The following MYRFL variants were observed in gnomAD, a reference collection of about 807,000 sequenced individuals.
The protein encoded by MYRFL is myelin regulatory factor like.
A neutral mutation model predicts 109.4 loss-of-function variants in MYRFL; 88 were observed. The observed-to-expected ratio is 0.80, with a 90% CI of 0.68 to 0.96. The LOEUF (loss-of-function observed/expected upper bound fraction) is 0.96. MYRFL is among the 40% of genes least tolerant of loss of function. The pLI is 0.00. For missense variants in MYRFL, 957 were observed against 954.9 expected (o/e 1.00, Z -0.03); for synonymous variants, 324 against 320.9 (o/e 1.01, Z -0.10).
In MYRFL at chr12:69,862,961, G is replaced by T. The variant is rs568431484; in HGVS notation, c.137+7591G>T. ...TTTATTGAGAGTTTTTAGCATGAAG[G>T]GTTGTTGAATTTTGTCAAAGGCCTT... On this transcript the variant is annotated intron_variant, in intron 2 of 24. Transcript: ENST00000552032. Among the ~76,000 whole-genome samples, 217 of 151,848 alleles carry T rather than the reference G, an allele frequency of 1.4e-3. 1 individual carries two copies. Among genetic ancestry groups the T allele is most frequent in the African/African-American group, 4.6e-3 (192 of 41,432 alleles).
At chr12:69,890,103 G>C (rs1446651298) in intron 6 of MYRFL, among the ~76,000 whole-genome samples, 4 of 152,138 alleles carry the variant, frequency 2.6e-5, no homozygotes, top group African/African-American at 7.2e-5. Context: ...GTGAAAACAG[G>C]TTTCCAATCG....
In MYRFL at chr12:69,926,624, T is replaced by C; in HGVS notation, c.1656T>C (p.Thr552=). 1 of 1,529,460 alleles carries C rather than the reference T, an allele frequency of 6.5e-7. No homozygotes were observed. Among genetic ancestry groups the C allele is most frequent in the Non-Finnish European group, 8.7e-7 (1 of 1,143,270 alleles). 94.7% of individuals were successfully genotyped at this position (1,529,460 alleles called of 1,614,324 possible). A position where few individuals can be genotyped will look rare whatever the true frequency, so the allele number is the denominator to read the frequency against. The change falls in exon 14 of 25, where the codon ACT becomes ACC. Residue 552 remains threonine, a synonymous_variant. Coordinates refer to ENST00000552032, the MANE Select transcript of MYRFL (RefSeq NM_182530.3). ...CAGTGAAGCAACTGTGCAAACTAAC[T>C]AACAACCTTGAGGAAAGAATAGAAG... ...VGAVKQLCKL[T]NNLEERIEEL...
intron 22 of MYRFL, 133 bp from the exon 23 acceptor site, chr12:69,957,689 A>G (rs1956125669): frequency 9.1e-7 from 1 of 1,097,962 alleles, no homozygotes; most frequent in Non-Finnish European, 1.2e-6. Context: ...TTTGTGTGAT[A>G]CAATGCCTAT....
chr12:69,893,966 T>A, intron 8 of MYRFL, 126 bp downstream of exon 8: 1 of 226,992 alleles, frequency 4.4e-6, no homozygotes, highest in Non-Finnish European at 8.0e-6. Flanking sequence ...AAACCTACCA[T>A]AGAATCCAAA....
chr12:69,918,145 T>C (rs577975970), intron 13 of MYRFL, among the ~76,000 whole-genome samples: 2 of 152,296 alleles, frequency 1.3e-5, no homozygotes, highest in East Asian at 3.9e-4. Flanking sequence ...CATAAAAGTA[T>C]CAGATTTATG....
At chr12:69,866,011 G>A (rs1884996508) in intron 2 of MYRFL, among the ~76,000 whole-genome samples, 1 of 152,116 alleles carries the variant, frequency 6.6e-6, no homozygotes, top group Admixed American at 6.5e-5. Flanking sequence ...AGATGGGGAG[G>A]ATAAGGTGCA....
At chr12:69,849,596 A>T (rs902811472) in intron 1 of MYRFL, among the ~76,000 whole-genome samples, 15 of 152,334 alleles carry the variant, frequency 9.8e-5, no homozygotes, top group Non-Finnish European at 1.9e-4. Context: ...TAACAGCATG[A>T]TCCTTGATGT....
intron 19 of MYRFL, among the ~76,000 whole-genome samples, chr12:69,945,751 G>A (rs973617759): frequency 3.3e-5 from 5 of 151,882 alleles, no homozygotes; most frequent in African/African-American, 1.2e-4. Flanking sequence ...ACTTTGGGAG[G>A]CCGAGGCGGG....
intron 2 of MYRFL, among the ~76,000 whole-genome samples, chr12:69,873,390 C>T (rs1246764392): frequency 1.3e-5 from 2 of 152,176 alleles, no homozygotes; most frequent in African/African-American, 4.8e-5. Flanking sequence ...AATCTCAGCA[C>T]ACGATTTTTT....
rs568144154 is a variant in MYRFL, at chr12:69,826,790, A to G, written c.46+1227A>G. 7.1e-4 allele frequency among the ~76,000 whole-genome samples: 108 copies of G among 152,212 alleles called. No individual in the cohort carries two copies. In the Middle Eastern group the frequency reaches 0.02, roughly 29 times the overall value. On this transcript the variant is annotated intron_variant, in intron 1 of 24. Transcript: ENST00000552032. ...AAATTAAAATGAAGGCACTAGCTTA[A>G]GTGAGTCCCATCCCCCTGAAAATCA...
rs528421210 is a variant in MYRFL, at chr12:69,910,150, G to T, written c.1492+73G>T. 5.9e-6 allele frequency: 6 copies of T among 1,018,470 alleles called. No individual in the cohort carries two copies. In the African/African-American group the frequency reaches 8.1e-5, roughly 14 times the overall value. The allele number at this position is 1,018,470 out of a possible 1,614,324, so 63.1% of individuals were successfully genotyped here. A position where few individuals can be genotyped will look rare whatever the true frequency, so the allele number is the denominator to read the frequency against. On this transcript the variant is annotated intron_variant, in intron 12 of 24. Transcript: ENST00000552032. ...ATTTTAATTACCTCTTTATTTTGAG[G>T]TTATGTGCTATGGCATTTGACAACG...
Position 69,937,260 on chromosome 12 carries a change from A to G in MYRFL, c.2224+628A>G, listed in dbSNP as rs537150507. On this transcript the variant is annotated intron_variant, in intron 19 of 24. Transcript: ENST00000552032. ...TTACATACAAGTCTTCCAAATGTAT[A>G]CTAATTTATTATTGTTTTTAGAAAT... is the stretch of plus-strand genomic sequence containing the variant. 2.0e-5 allele frequency among the ~76,000 whole-genome samples: 3 copies of G among 152,256 alleles called. No individual in the cohort carries two copies. In the East Asian group the frequency reaches 5.8e-4, roughly 29 times the overall value.
At chr12:69,906,208 A>C (rs925333256) in intron 11 of MYRFL, among the ~76,000 whole-genome samples, 1 of 152,216 alleles carries the variant, frequency 6.6e-6, no homozygotes, top group Non-Finnish European at 1.5e-5. Flanking sequence ...GATTATCTAC[A>C]AAGTCCTGGT....
chr12:69,895,447 A>G lies in MYRFL; in HGVS notation c.1057A>G (p.Met353Val). 2 of 1,535,752 alleles carry G rather than the reference A, an allele frequency of 1.3e-6. No individual in the cohort carries two copies. The highest frequency in any genetic ancestry group is 1.7e-6 in the Non-Finnish European group (2 of 1,146,686). Residue 353 changes from methionine (M) to valine (V), a missense_variant, in exon 9 of 25, where the codon ATG (methionine) becomes GTG (valine). Coordinates refer to ENST00000552032, the MANE Select transcript of MYRFL (RefSeq NM_182530.3). ...LHFSETTANN[M>V]RKKGKPNPDQ... is the part of the protein sequence containing the mutation. ...CTTCAGCGAAACCACAGCAAATAAT[A>G]TGAGAAAAAAGGGAAAACCAAATCC...
At chr12:69,892,746 T>C (rs1212160826) in intron 7 of MYRFL, among the ~76,000 whole-genome samples, 2 of 152,240 alleles carry the variant, frequency 1.3e-5, no homozygotes, top group African/African-American at 2.4e-5. Context: ...TGTATGATTA[T>C]GAATGTAATA....
At chr12:69,846,106 C>CTTTTTTTTTTTT (rs60251292) in intron 1 of MYRFL, among the ~76,000 whole-genome samples, 11 of 61,724 alleles carry the variant, frequency 1.8e-4, no homozygotes, top group East Asian at 7.2e-4. Flanking sequence ...TATTGACTAT[C>CTTTTTTTTTTTT]TTTTTTTTTT....
chr12:69,891,607 C>CTTTCTTTCTT (rs1886836662), intron 7 of MYRFL, among the ~76,000 whole-genome samples: 1 of 82,890 alleles, frequency 1.2e-5, no homozygotes. Context: ...CTTTCTTTCT[C>CTTTCTTTCTT]TTTCTTTCTT....
intron 16 of MYRFL, chr12:69,935,911 C>A (rs1457730010): frequency 3.3e-6 from 2 of 606,352 alleles, no homozygotes; most frequent in Non-Finnish European, 5.6e-6. Context: ...AGCCTCTGAG[C>A]TCTTTTTCTC....
intron 20 of MYRFL, 36 bp from the exon 21 acceptor site, chr12:69,952,763 G>C: frequency 7.2e-7 from 1 of 1,382,726 alleles, no homozygotes; most frequent in South Asian, 1.3e-5. Context: ...CCTTTCAGAA[G>C]AGTTTATTTA....
Sources: gnomAD v4.1 joint callset for allele counts (sites outside exome capture counted in the v4.1 genomes callset) on GRCh38, gnomAD v4.1.1 for gene constraint, MANE v1.5 for transcripts, NCBI Gene and HGNC (gene_info 2026-07-23, HGNC 2026-07-21) for gene names.